Variants in GDPD1 observed in about 807,000 individuals in gnomAD.
GDPD1 encodes glycerophosphodiester phosphodiesterase domain containing 1.
GDPD1 carries 28 observed loss-of-function variants against 45.1 expected under a neutral mutation model. The ratio of observed to expected loss-of-function variants is 0.62; its 90% CI spans 0.46 to 0.85. The LOEUF (loss-of-function observed/expected upper bound fraction) is 0.85, where lower values mean the gene tolerates loss of function less well. GDPD1 is among the 40% of genes least tolerant of loss of function. GDPD1 has a pLI of 0.00. For synonymous variants in GDPD1, 139 were observed against 131.4 expected, an observed-to-expected ratio of 1.06 and a Z score of -0.40; for missense variants, 256 against 364.8, an observed-to-expected ratio of 0.70 and a Z score of 2.43.
intron 5 of GDPD1, 30 bp downstream of exon 5, chr17:59,257,270 G>A (rs1172149551): frequency 9.0e-7 from 1 of 1,112,572 alleles, no homozygotes. Flanking sequence ...CTCTGGGTGT[G>A]TTGCATCCTA....
intron 1 of GDPD1, among the ~76,000 whole-genome samples, chr17:59,221,966 C>A (rs1231918785): frequency 6.6e-6 from 1 of 152,110 alleles, no homozygotes; most frequent in Non-Finnish European, 1.5e-5. Flanking sequence ...TGAGTGACTT[C>A]AATAGTATTC....
chr17:59,245,293 A>G (rs917481571), intron 2 of GDPD1, 121 bp from the exon 3 acceptor site: 9 of 671,646 alleles, frequency 1.3e-5, no homozygotes, highest in Non-Finnish European at 2.3e-5. Context: ...AAGTGATGGT[A>G]TTAAGGAGAT....
intron 5 of GDPD1, among the ~76,000 whole-genome samples, chr17:59,257,529 T>C (rs540282856): frequency 1.2e-4 from 19 of 152,230 alleles, no homozygotes; most frequent in Non-Finnish European, 2.4e-4. Context: ...GGTTAGTTTA[T>C]GTCAAATTAC....
Position 59,224,638 on chromosome 17 carries a change from AAC to A in GDPD1, c.142+3889_142+3890del, listed in dbSNP as rs1010201844. 2.8e-5 allele frequency among the ~76,000 whole-genome samples: 4 copies of A among 143,088 alleles called. No individual in the cohort carries two copies. The South Asian group carries it at 6.6e-4, about 24-fold the overall frequency. 93.9% of individuals were successfully genotyped at this position (143,088 alleles called of 152,430 possible). A position where few individuals can be genotyped will look rare whatever the true frequency, so the allele number is the denominator to read the frequency against. The stretch of plus-strand genomic sequence containing the variant: ...AGACTCCATCTCAAAAAAAAAAAAA[AAC>A]AAAAAACAAAAACAAAAAAAACTAC... On this transcript the variant is annotated intron_variant, in intron 1 of 9. Coordinates refer to ENST00000284116, the MANE Select transcript of GDPD1 (RefSeq NM_182569.4).
intron 6 of GDPD1, among the ~76,000 whole-genome samples, chr17:59,260,495 T>C (rs939691545): frequency 6.6e-6 from 1 of 151,838 alleles, no homozygotes; most frequent in African/African-American, 2.4e-5. Context: ...TGAGCTGGGA[T>C]CGCACCACTG....
chr17:59,274,882 C>T lies in GDPD1; in HGVS notation c.*1109C>T, dbSNP rs961199145. On this transcript the variant is annotated 3_prime_UTR_variant, in exon 10 of 10. Coordinates refer to ENST00000284116, the MANE Select transcript of GDPD1 (RefSeq NM_182569.4). The stretch of plus-strand genomic sequence containing the variant: ...TTTGACATGTAGTCTTGCTCTGTCG[C>T]CGAGGCCGGAGTGCAGTGGTGCGAT... Among the ~76,000 whole-genome samples the T allele has an allele frequency of 1.3e-5, 2 of 149,196 alleles. No homozygotes were observed. The highest frequency in any genetic ancestry group is 1.3e-4 in the Admixed American group (2 of 15,066).
At chr17:59,246,664 G>A (rs1197043142) in intron 3 of GDPD1, among the ~76,000 whole-genome samples, 5 of 117,232 alleles carry the variant, frequency 4.3e-5, no homozygotes, top group Admixed American at 2.2e-4. Flanking sequence ...ACCCGAGATC[G>A]TGCCATTGCA....
rs1390441486 is a variant in GDPD1, at chr17:59,273,838, C to T, written c.*65C>T. On this transcript the variant is annotated 3_prime_UTR_variant, in exon 10 of 10. Coordinates refer to ENST00000284116, the MANE Select transcript of GDPD1 (RefSeq NM_182569.4). ...ACCTAAGAAAAAAATATTTCATGAT[C>T]ATTTCCCTAAGCCATTTCCAGAATG... 2 of 1,470,164 alleles carry T rather than the reference C, an allele frequency of 1.4e-6. No individual in the cohort carries two copies. The highest frequency in any genetic ancestry group is 1.5e-5 in the South Asian group (1 of 67,388). 91.1% of individuals were successfully genotyped at this position (1,470,164 alleles called of 1,614,324 possible). A position where few individuals can be genotyped will look rare whatever the true frequency, so the allele number is the denominator to read the frequency against.
At chr17:59,255,032 A>T (rs2047285810) in intron 4 of GDPD1, among the ~76,000 whole-genome samples, 1 of 152,220 alleles carries the variant, frequency 6.6e-6, no homozygotes, top group Non-Finnish European at 1.5e-5. Context: ...GTATAGTAAC[A>T]GACTTTTCCT....
intron 6 of GDPD1, among the ~76,000 whole-genome samples, chr17:59,258,961 T>C (rs1413249339): frequency 3.3e-5 from 5 of 150,856 alleles, no homozygotes; most frequent in East Asian, 3.9e-4. Context: ...CTTTCTATTA[T>C]TATTATTATT....
intron 4 of GDPD1, among the ~76,000 whole-genome samples, chr17:59,255,743 C>CAAA (rs1174794003): frequency 5.3e-4 from 14 of 26,612 alleles, no homozygotes; most frequent in African/African-American, 3.1e-3. Context: ...AACTCCGTCT[C>CAAA]AAAAAAAAAA....
intron 9 of GDPD1, 80 bp downstream of exon 9, chr17:59,272,916 C>A: frequency 6.2e-7 from 1 of 1,611,390 alleles, no homozygotes; most frequent in Non-Finnish European, 8.5e-7. Context: ...GAACTTTTAA[C>A]TGACTTAGTT....
chr17:59,272,902 G>A lies in GDPD1; in HGVS notation c.822+66G>A, dbSNP rs760440423. 8 of 1,612,144 alleles carry A rather than the reference G, an allele frequency of 5.0e-6. No homozygotes were observed. The Admixed American group carries it at 5.0e-5, about 10-fold the overall frequency. The stretch of plus-strand genomic sequence containing the variant: ...CACCAGTTTAACACAAATATAAAGG[G>A]CAAGAACTTTTAACTGACTTAGTTT... On this transcript the variant is annotated intron_variant, in intron 9 of 9. Transcript: ENST00000284116.
At chr17:59,255,824 T>C (rs2047299819) in intron 4 of GDPD1, among the ~76,000 whole-genome samples, 1 of 68,610 alleles carries the variant, frequency 1.5e-5, no homozygotes, top group Non-Finnish European at 2.5e-5. Flanking sequence ...CGTATATATA[T>C]ATACGCGTAT....
intron 1 of GDPD1, among the ~76,000 whole-genome samples, chr17:59,227,997 C>T (rs940742492): frequency 1.3e-5 from 2 of 151,880 alleles, no homozygotes; most frequent in African/African-American, 4.8e-5. Context: ...CAGTGAAACC[C>T]CGTCTCTACT....
rs1006186918 is a variant in GDPD1, at chr17:59,251,343, AC to A, written c.367+2561del. On this transcript the variant is annotated intron_variant, in intron 4 of 9. Coordinates refer to ENST00000284116, the MANE Select transcript of GDPD1 (RefSeq NM_182569.4). ...AGACCAGCCTGGCCAACACGGTGAA[AC>A]CCTGTTTCTACTAAAAATACAAAAA... Among the ~76,000 whole-genome samples the A allele has an allele frequency of 1.6e-3, 238 of 152,022 alleles. 2 individuals carry two copies. Among genetic ancestry groups the A allele is most frequent in the African/African-American group, 5.4e-3 (225 of 41,478 alleles).
chr17:59,256,806 AAATT>A (rs1447236352), intron 4 of GDPD1, among the ~76,000 whole-genome samples: 1 of 152,192 alleles, frequency 6.6e-6, no homozygotes, highest in Admixed American at 6.6e-5. Flanking sequence ...TCAAAATAAA[AAATT>A]AATAAATCAT....
At chr17:59,234,418 G>T in intron 1 of GDPD1, 74 bp from the exon 2 acceptor site, 2 of 876,210 alleles carry the variant, frequency 2.3e-6, no homozygotes, top group Non-Finnish European at 1.9e-6. Flanking sequence ...GATTCATTAG[G>T]TGTATTTTAT....
chr17:59,246,957 G>A (rs1037399432), intron 3 of GDPD1, among the ~76,000 whole-genome samples: 3 of 151,552 alleles, frequency 2.0e-5, no homozygotes, highest in African/African-American at 4.8e-5. Flanking sequence ...TAGTAGAGAC[G>A]GGGTTTCACC....
Sources: gnomAD v4.1 joint callset for allele counts (sites outside exome capture counted in the v4.1 genomes callset) on GRCh38, gnomAD v4.1.1 for gene constraint, MANE v1.5 for transcripts, NCBI Gene and HGNC (gene_info 2026-07-23, HGNC 2026-07-21) for gene names.